The following RASEF variants were observed in gnomAD, a reference collection of about 807,000 sequenced individuals.
RASEF encodes RAS and EF-hand domain containing, also known as ras and EF-hand domain-containing protein.
RASEF carries 68 observed loss-of-function variants against 90.1 expected under a neutral mutation model. The ratio of observed to expected loss-of-function variants is 0.75; its 90% CI spans 0.62 to 0.92. RASEF has a LOEUF of 0.92. Ranked by LOEUF, RASEF falls within the 40% of genes least tolerant of loss-of-function variation. The pLI, the probability that RASEF is intolerant of heterozygous loss-of-function variation, is 0.00. For synonymous variants in RASEF, 331 were observed against 345.2 expected (o/e 0.96, Z 0.46); for missense variants, 949 against 937.2 (o/e 1.01, Z -0.16).
chr9:83,087,520 C>T, the RASEF span, among the ~76,000 whole-genome samples: 6 of 150,428 alleles, frequency 4.0e-5, no homozygotes, highest in African/African-American at 1.5e-4. Context: ...TGATGTTTTT[C>T]TAGGAATGTT....
At chr9:83,144,462 GAGAAA>G in the RASEF span, among the ~76,000 whole-genome samples, 24,182 of 149,146 alleles carry the variant, frequency 0.16, 2,249 homozygotes, top group Non-Finnish European at 0.2. Flanking sequence ...GAAAAGAGAA[GAGAAA>G]AGAAAAGAAG....
At chr9:83,002,184 G>A (rs1003247447) in intron 9 of RASEF, among the ~76,000 whole-genome samples, 7 of 152,122 alleles carry the variant, frequency 4.6e-5, no homozygotes, top group African/African-American at 1.4e-4. Flanking sequence ...GAATGGGCAC[G>A]ATACATAGGT....
the RASEF span, among the ~76,000 whole-genome samples, chr9:83,096,630 T>G: frequency 2.0e-5 from 3 of 152,040 alleles, no homozygotes; most frequent in Admixed American, 6.6e-5. Context: ...TTGTTTTCTT[T>G]TTTTTTTTCT....
At position 83,055,469 on chromosome 9, in the gene RASEF, G is replaced by T. The variant is rs1830086244; in HGVS notation, c.431+6968C>A. On this transcript the variant is annotated intron_variant, in intron 1 of 16. Transcript: ENST00000376447. ...TCGCACTCCGTAGTGAGATGAACCCGGTACCTCAGATGGAAATGCAGAAAT... is the reference window on the plus strand; with the variant it reads ...TCGCACTCCGTAGTGAGATGAACCCTGTACCTCAGATGGAAATGCAGAAAT... The T allele has an allele frequency of 7.5e-6, 5 of 663,274 alleles. No individual in the cohort carries two copies. In the Admixed American group the frequency reaches 1.0e-4, roughly 14 times the overall value. 41.1% of individuals were successfully genotyped at this position (663,274 alleles called of 1,614,324 possible).
At chr9:83,113,511 G>T in the RASEF span, among the ~76,000 whole-genome samples, 14 of 152,330 alleles carry the variant, frequency 9.2e-5, no homozygotes, top group African/African-American at 3.4e-4. Context: ...GCAGAATAGA[G>T]CCATACTTTT....
At chr9:83,162,882 A>G in the RASEF span, among the ~76,000 whole-genome samples, 1 of 152,218 alleles carries the variant, frequency 6.6e-6, no homozygotes, top group Non-Finnish European at 1.5e-5. Flanking sequence ...GGGAGCCCCC[A>G]CACATGGTTG....
At chr9:83,067,689 A>G (rs980898899), upstream of RASEF, among the ~76,000 whole-genome samples, 2 of 152,206 alleles carry the variant, frequency 1.3e-5, no homozygotes, top group African/African-American at 4.8e-5. Context: ...ATACCATTAC[A>G]TGTCTTGAAC....
chr9:83,147,608 C>T, the RASEF span, among the ~76,000 whole-genome samples: 555 of 152,172 alleles, frequency 3.6e-3, 1 homozygote, highest in Non-Finnish European at 6.1e-3. Flanking sequence ...TGGGTGCCTG[C>T]GACTCCTAAA....
rs1564071096 is a variant in RASEF at position 82,997,110 on chromosome 9, T to C, written c.1822A>G (p.Lys608Glu). 1 of 1,607,292 alleles carries C rather than the reference T, an allele frequency of 6.2e-7. No homozygotes were observed. The highest frequency in any genetic ancestry group is 8.5e-7 in the Non-Finnish European group (1 of 1,173,814). The change falls in exon 14 of 17, where the codon AAG becomes GAG. Residue 608 changes from lysine (K) to glutamate (E), a missense_variant. By Grantham distance (56) the Lys-to-Glu change is moderately conservative. Coordinates refer to ENST00000376447, the MANE Select transcript of RASEF (RefSeq NM_152573.4). ...AGQERFRSIA[K>E]SYFRKADGVL... is the part of the protein sequence containing the mutation. ...CCATCTGCCTTTCTGAAGTAAGACT[T>C]GGCAATACTTCTGAATCTGAGAAAG... is the stretch of plus-strand genomic sequence containing the variant.
At position 82,982,714 on chromosome 9, in the gene RASEF, T is replaced by C. The variant is rs775562004; in HGVS notation, c.2186A>G (p.Lys729Arg). 2.5e-6 allele frequency: 4 copies of C among 1,610,958 alleles called. No homozygotes were observed. Among genetic ancestry groups the C allele is most frequent in the South Asian group, 1.1e-5 (1 of 91,018 alleles). Residue 729 changes from lysine (K) to arginine (R), a missense_variant, in exon 17 of 17, where the codon AAA becomes AGA. This residue lies in a region of RASEF where 288 missense variants were observed against 328.4 expected (regional missense o/e 0.88). Transcript: ENST00000376447. ...SITNLTGTNS[K>R]KSPQMKNCCN... is the part of the protein sequence containing the mutation. Reference sequence around the variant, plus strand: ...ACAATTCTTCATCTGTGGTGACTTTTTGGAATTGGTCCCGGTTAGATTGGT... The same window carrying C: ...ACAATTCTTCATCTGTGGTGACTTTCTGGAATTGGTCCCGGTTAGATTGGT...
At chr9:83,117,655 G>A in the RASEF span, among the ~76,000 whole-genome samples, 1 of 152,158 alleles carries the variant, frequency 6.6e-6, no homozygotes, top group Non-Finnish European at 1.5e-5. Context: ...TATGTGTAGA[G>A]TGACTTCATG....
At chr9:82,990,237 G>C (rs559106777) in intron 16 of RASEF, among the ~76,000 whole-genome samples, 154 bp downstream of exon 16, 10 of 152,304 alleles carry the variant, frequency 6.6e-5, no homozygotes, top group Admixed American at 2.6e-4. Flanking sequence ...AACGTTGCCA[G>C]TTTTTATAAT....
At chr9:83,195,388 C>T in the RASEF span, among the ~76,000 whole-genome samples, 1 of 152,166 alleles carries the variant, frequency 6.6e-6, no homozygotes, top group Admixed American at 6.5e-5. Context: ...TCTGGGGTAT[C>T]TAATAAGCTG....
At chr9:83,206,766 G>A in the RASEF span, among the ~76,000 whole-genome samples, 1 of 152,162 alleles carries the variant, frequency 6.6e-6, no homozygotes, top group Non-Finnish European at 1.5e-5. Flanking sequence ...CCAACAAATT[G>A]CTGCTCATGA....
chr9:83,098,907 C>A, the RASEF span, among the ~76,000 whole-genome samples: 1 of 152,070 alleles, frequency 6.6e-6, no homozygotes, highest in Non-Finnish European at 1.5e-5. Flanking sequence ...ATTCAGGTGG[C>A]GACACAGAGC....
chr9:83,043,400 G>GGT (rs35214554), intron 1 of RASEF, among the ~76,000 whole-genome samples: 1 of 59,912 alleles, frequency 1.7e-5, no homozygotes, highest in South Asian at 6.7e-4. Context: ...CAGTGATTGG[G>GGT]GGGGGGGACC....
intron 3 of RASEF, among the ~76,000 whole-genome samples, chr9:83,019,692 A>G (rs1005720571): frequency 6.6e-6 from 1 of 152,256 alleles, no homozygotes; most frequent in African/African-American, 2.4e-5. Flanking sequence ...CCTTCTACAG[A>G]TGAATGGCTA....
At chr9:83,080,533 C>T in the RASEF span, among the ~76,000 whole-genome samples, 3 of 152,060 alleles carry the variant, frequency 2.0e-5, no homozygotes, top group African/African-American at 7.2e-5. Context: ...CTTCATAAAG[C>T]TAACAAGAGC....
chr9:83,161,476 T>C, the RASEF span, among the ~76,000 whole-genome samples: 27 of 152,320 alleles, frequency 1.8e-4, no homozygotes, highest in East Asian at 4.9e-3. Flanking sequence ...TGCATTTACC[T>C]AATGCCTGTA....
Sources: allele counts gnomAD v4.1 joint callset (sites outside exome capture counted in the v4.1 genomes callset), GRCh38; gene constraint gnomAD v4.1.1; regional missense constraint gnomAD v4.1.1; transcripts MANE v1.5; gene names NCBI Gene and HGNC (gene_info 2026-07-23, HGNC 2026-07-21).